The following TTC38 variants were observed in gnomAD, a reference collection of about 807,000 sequenced individuals.
The protein encoded by TTC38 is tetratricopeptide repeat domain 38, also known as tetratricopeptide repeat protein 38.
A neutral mutation model predicts 64.2 loss-of-function variants in TTC38; 64 were observed. The ratio of observed to expected loss-of-function variants is 1.00; its 90% confidence interval spans 0.81 to 1.23. TTC38 has a LOEUF of 1.23. Ranked by LOEUF, TTC38 falls within the 50% of genes most tolerant of loss-of-function variation. TTC38 has a pLI of 0.00. For synonymous variants in TTC38, 254 were observed against 249.3 expected (o/e 1.02, Z -0.18); for missense variants, 573 against 615.5 (o/e 0.93, Z 0.73).
At chr22:46,285,026 T>C (rs2077561586) in intron 8 of TTC38, among the ~76,000 whole-genome samples, 1 of 152,122 alleles carries the variant, frequency 6.6e-6, no homozygotes, top group Non-Finnish European at 1.5e-5. Flanking sequence ...GGTGCTGCTG[T>C]GCTTTCTACA....
intron 10 of TTC38, 82 bp from the exon 11 acceptor site, chr22:46,288,341 G>A: frequency 6.9e-7 from 1 of 1,446,614 alleles, no homozygotes; most frequent in Admixed American, 2.0e-5. Context: ...GCCTCCAAGG[G>A]AAGCGCCGTG....
At position 46,274,025 on chromosome 22, in the gene TTC38, G is replaced by A; in HGVS notation, c.321G>A (p.Arg107=). ...TTTCAAGAACCCAGCCGCTGACAAG[G>A]CGGGAGCAGCTGCACGTGTCTGCAG... ...VEISRTQPLT[R]REQLHVSAVE... Residue 107 remains arginine (R), a synonymous_variant, in exon 4 of 14, where the codon AGG becomes AGA. Transcript: ENST00000381031. The surrounding 1 kb of genome is among the most constrained non-coding windows in gnomAD (Gnocchi z 4.8). The A allele has an allele frequency of 6.2e-7, 1 of 1,614,222 alleles. No homozygotes were observed. Among genetic ancestry groups the A allele is most frequent in the Non-Finnish European group, 8.5e-7 (1 of 1,180,044 alleles).
intron 2 of TTC38, 33 bp downstream of exon 2, chr22:46,268,624 T>G (rs985401526): frequency 4.7e-5 from 76 of 1,602,288 alleles, no homozygotes; most frequent in Non-Finnish European, 6.5e-5. Flanking sequence ...CGGCCCCTTC[T>G]GTGGAGGTCT....
In TTC38 at chr22:46,275,467, C is replaced by G. The variant is rs771754813; in HGVS notation, c.539+46C>G. 18 of 1,559,588 alleles carry G rather than the reference C, an allele frequency of 1.2e-5. No homozygotes were observed. The highest frequency in any genetic ancestry group is 1.1e-4 in the Admixed American group (6 of 53,714). ...ACATTATTTCTGTTTCTTAATCTCT[C>G]TTTTCTGCCCTAAAAATATGGTGAC... On this transcript the variant is annotated intron_variant, in intron 5 of 13. Transcript: ENST00000381031. The surrounding 1 kb of genome is among the most constrained non-coding windows in gnomAD (Gnocchi z 4.5).
In TTC38 at chr22:46,283,953, CT is replaced by C. The variant is rs111781624; in HGVS notation, c.736-7del. ...GGCCTTCAGACTTTTCATAAATTCT[CT>C]TTTTTTTTTTTTCTCCAGGACTCTG... is the stretch of plus-strand genomic sequence containing the variant. On this transcript the variant is annotated intron_variant, in intron 7 of 13. Transcript: ENST00000381031. The C allele has an allele frequency of 0.015, 18,640 of 1,280,386 alleles. 3 individuals carry two copies. Among genetic ancestry groups the C allele is most frequent in the East Asian group, 0.027 (931 of 34,902 alleles). The allele number at this position is 1,280,386 out of a possible 1,614,324, so 79.3% of individuals were successfully genotyped here. A position where few individuals can be genotyped will look rare whatever the true frequency, so the allele number is the denominator to read the frequency against.
rs749146278 is a variant in TTC38 at position 46,289,558 on chromosome 22, C to G, written c.1239C>G (p.Ala413=). Residue 413 remains alanine (A), a synonymous_variant, in exon 12 of 14, where the codon GCC becomes GCG. Coordinates refer to ENST00000381031, the MANE Select transcript of TTC38 (RefSeq NM_017931.4). The part of the protein sequence containing the change: ...YRIVQLGGSN[A]QRDVFNQLLI... ...TCGTCCAGCTCGGTGGGAGCAATGC[C>G]CAGGTGAGCCGATGGCCGCCAGCTG... 2.5e-6 allele frequency: 4 copies of G among 1,578,076 alleles called. No individual in the cohort carries two copies. The highest frequency in any genetic ancestry group is 2.7e-5 in the African/African-American group (2 of 74,396).
Position 46,281,264 on chromosome 22 carries a change from C to G in TTC38, c.616-335C>G, listed in dbSNP as rs1017631840. On this transcript the variant is annotated intron_variant, in intron 6 of 13. Coordinates refer to ENST00000381031, the MANE Select transcript of TTC38 (RefSeq NM_017931.4). The surrounding 1 kb of genome is among the most constrained non-coding windows in gnomAD (Gnocchi z 5.2). ...GCCCAGAGAGGGCGGGTATGTTTTG[C>G]AAGCACCTCAGCTGTATGCAGAATG... Among the ~76,000 whole-genome samples the G allele has an allele frequency of 1.3e-5, 2 of 152,250 alleles. No homozygotes were observed. Among genetic ancestry groups the G allele is most frequent in the Non-Finnish European group, 2.9e-5 (2 of 68,046 alleles).
rs2077543344 is a variant in TTC38, at chr22:46,282,649, G to A, written c.735+931G>A. Reference sequence around the variant, plus strand: ...GCCTCCAGATTCGGCTCTGTCAAGGGGGCAGTGGTCAGGTTCCCTTCTCAG... The same window carrying A: ...GCCTCCAGATTCGGCTCTGTCAAGGAGGCAGTGGTCAGGTTCCCTTCTCAG... On this transcript the variant is annotated intron_variant, in intron 7 of 13. Coordinates refer to ENST00000381031, the MANE Select transcript of TTC38 (RefSeq NM_017931.4). This position sits in a 1 kb window ranked among gnomAD's most constrained non-coding sequence, Gnocchi z 4.4. 6.6e-6 allele frequency among the ~76,000 whole-genome samples: 1 copy of A among 152,198 alleles called. No individual in the cohort carries two copies. The highest frequency in any genetic ancestry group is 2.1e-4 in the South Asian group (1 of 4,832).
rs1388817745 is a variant in TTC38, at chr22:46,289,559, C to T, written c.1240C>T (p.Gln414Ter). The change falls in exon 12 of 14, where the codon CAG (glutamine) becomes TAG (stop). Residue 414 changes from glutamine to a stop codon, truncating the protein, a stop_gained and splice_region_variant. Coordinates refer to ENST00000381031, the MANE Select transcript of TTC38 (RefSeq NM_017931.4). LOFTEE classifies it high-confidence loss of function. The part of the protein sequence containing the change: ...RIVQLGGSNA[Q>*]RDVFNQLLIH... ...CGTCCAGCTCGGTGGGAGCAATGCC[C>T]AGGTGAGCCGATGGCCGCCAGCTGG... 3.2e-6 allele frequency: 5 copies of T among 1,577,710 alleles called. No individual in the cohort carries two copies. The highest frequency in any genetic ancestry group is 2.2e-5 in the East Asian group (1 of 44,540).
chr22:46,285,271 G>C lies in TTC38; in HGVS notation c.826G>C (p.Asp276His), dbSNP rs752764560. 3 of 1,614,146 alleles carry C rather than the reference G, an allele frequency of 1.9e-6. No homozygotes were observed. Among genetic ancestry groups the C allele is most frequent in the Middle Eastern group, 1.6e-4 (1 of 6,062 alleles). The change falls in exon 9 of 14, where the codon GAT becomes CAT. Residue 276 changes from aspartate to histidine, a missense_variant. Asp to His is a moderately conservative substitution (Grantham distance 81). This residue lies in a region of TTC38 where 371 missense variants were observed against 381.8 expected (regional missense o/e 0.97). Transcript: ENST00000381031. The part of the protein sequence containing the change: ...GEYEAALTIY[D>H]THILPSLQAN... ...ATATGAGGCCGCGCTGACCATCTAC[G>C]ATACCCACGTAAGTTGCATTCACAC...
In TTC38 at chr22:46,270,412, C is replaced by T. The variant is rs1227952183; in HGVS notation, c.111+1821C>T. 6.6e-6 allele frequency among the ~76,000 whole-genome samples: 1 copy of T among 152,046 alleles called. No individual in the cohort carries two copies. Among genetic ancestry groups the T allele is most frequent in the Non-Finnish European group, 1.5e-5 (1 of 68,016 alleles). On this transcript the variant is annotated intron_variant, in intron 2 of 13. Coordinates refer to ENST00000381031, the MANE Select transcript of TTC38 (RefSeq NM_017931.4). This position sits in a 1 kb window ranked among gnomAD's most constrained non-coding sequence, Gnocchi z 4.7. ...TAAAAAAAAAATACACGTACTAATT[C>T]TGTGTAGATGTAGGTTAGACAGCTG...
chr22:46,282,924 G>GGTTTTT lies in TTC38; in HGVS notation c.736-1036_736-1031dup. ...GGCCCTGGGCCTGTTGATCTCTGCA[G>GGTTTTT]GTTTTTGTTTTTGTTTTTTTTTGAG... On this transcript the variant is annotated intron_variant, in intron 7 of 13. Coordinates refer to ENST00000381031, the MANE Select transcript of TTC38 (RefSeq NM_017931.4). The surrounding 1 kb of genome is among the most constrained non-coding windows in gnomAD (Gnocchi z 4.4). 6.6e-6 allele frequency among the ~76,000 whole-genome samples: 1 copy of GGTTTTT among 152,222 alleles called. No homozygotes were observed. Among genetic ancestry groups the GGTTTTT allele is most frequent in the African/African-American group, 2.4e-5 (1 of 41,526 alleles).
chr22:46,268,397 G>C (rs925446084), intron 1 of TTC38, 117 bp from the exon 2 acceptor site: 1 of 1,137,600 alleles, frequency 8.8e-7, no homozygotes, highest in Admixed American at 2.1e-5. Context: ...CTGGGAGCCT[G>C]AGCCCATTTT....
At chr22:46,283,882 G>C in intron 7 of TTC38, 91 bp from the exon 8 acceptor site, 1 of 371,422 alleles carries the variant, frequency 2.7e-6, no homozygotes. Flanking sequence ...AAAAAAAGAT[G>C]ATGGTTTCTG....
At position 46,275,191 on chromosome 22, in the gene TTC38, C is replaced by A. The variant is rs773215771; in HGVS notation, c.366-57C>A. ...GGTGAGAAACAATGCCTCTTACACT[C>A]CCTGTGTGGGTGGACTATGTGTTCA... On this transcript the variant is annotated intron_variant, in intron 4 of 13. Coordinates refer to ENST00000381031, the MANE Select transcript of TTC38 (RefSeq NM_017931.4). The surrounding 1 kb of genome is among the most constrained non-coding windows in gnomAD (Gnocchi z 4.5). 2 of 1,519,410 alleles carry A rather than the reference C, an allele frequency of 1.3e-6. No homozygotes were observed. Among genetic ancestry groups the A allele is most frequent in the Non-Finnish European group, 1.8e-6 (2 of 1,108,178 alleles). 94.1% of individuals were successfully genotyped at this position (1,519,410 alleles called of 1,614,324 possible).
Position 46,293,146 on chromosome 22 carries a change from C to CAG in TTC38, c.*263_*264insGA. On this transcript the variant is annotated 3_prime_UTR_variant, in exon 14 of 14. Coordinates refer to ENST00000381031, the MANE Select transcript of TTC38 (RefSeq NM_017931.4). This position sits in a 1 kb window ranked among gnomAD's most constrained non-coding sequence, Gnocchi z 6.6. ...AGTGCTGCTCTTTCCACCTGCCTTG[C>CAG]AAATTCTGTTTCCCAGGGGAATGTG... 4.5e-6 allele frequency: 2 copies of CAG among 441,480 alleles called. No homozygotes were observed. Among genetic ancestry groups the CAG allele is most frequent in the Non-Finnish European group, 8.4e-6 (2 of 237,776 alleles). The allele number at this position is 441,480 out of a possible 1,614,324, so 27.3% of individuals were successfully genotyped here. A position where few individuals can be genotyped will look rare whatever the true frequency, so the allele number is the denominator to read the frequency against.
chr22:46,269,333 C>A, intron 2 of TTC38: 1 of 196,802 alleles, frequency 5.1e-6, no homozygotes. Context: ...GACCTTCTGC[C>A]ACATTACCAG....
chr22:46,290,329 T>C (rs913014115), intron 13 of TTC38, among the ~76,000 whole-genome samples: 3 of 152,174 alleles, frequency 2.0e-5, no homozygotes, highest in Non-Finnish European at 4.4e-5. Context: ...AGTCACTGGC[T>C]ACCAGGAGCC....
Position 46,278,761 on chromosome 22 carries a change from C to A in TTC38, c.615+100C>A. On this transcript the variant is annotated intron_variant, in intron 6 of 13. Transcript: ENST00000381031. The stretch of plus-strand genomic sequence containing the variant: ...CCATTCGTGTGTGACCCCGGCGAAC[C>A]CCATCCCTGGTCTCACTTCCTCAGA... 3 of 960,508 alleles carry A rather than the reference C, an allele frequency of 3.1e-6. No individual in the cohort carries two copies. In the Admixed American group the frequency reaches 5.1e-5, roughly 16 times the overall value. 59.5% of individuals were successfully genotyped at this position (960,508 alleles called of 1,614,324 possible).
Sources: gnomAD v4.1 joint callset for allele counts (sites outside exome capture counted in the v4.1 genomes callset) on GRCh38, gnomAD v4.1.1 for gene constraint, gnomAD v4.1.1 regional missense constraint, Gnocchi (gnomAD v3.1) non-coding constraint, MANE v1.5 for transcripts, NCBI Gene and HGNC (gene_info 2026-07-23, HGNC 2026-07-21) for gene names.